The following CLEC4F variants were observed in gnomAD, a reference collection of about 807,000 sequenced individuals.
CLEC4F encodes C-type lectin domain family 4 member F.
CLEC4F carries 45 observed loss-of-function variants against 53.4 expected under a neutral mutation model. The ratio of observed to expected loss-of-function variants is 0.84; its 90% CI spans 0.66 to 1.08. The LOEUF is 1.08. CLEC4F is among the 50% of genes least tolerant of loss of function. The probability of loss-of-function intolerance (pLI) is 0.00; values close to 1 mark genes in which losing one functional copy is unlikely to be tolerated. For missense variants in CLEC4F, 753 were observed against 698.2 expected (o/e 1.08, Z -0.88); for synonymous variants, 245 against 257.5 (o/e 0.95, Z 0.46).
chr2:70,814,532 G>A (rs1160521178), intron 4 of CLEC4F, among the ~76,000 whole-genome samples: 1 of 152,178 alleles, frequency 6.6e-6, no homozygotes, highest in Non-Finnish European at 1.5e-5. Flanking sequence ...CCCTCTGGGG[G>A]TTCTGATGCC....
At chr2:70,810,934 T>C (rs768234282) in intron 5 of CLEC4F, 27 of 537,344 alleles carry the variant, frequency 5.0e-5, no homozygotes, top group Non-Finnish European at 9.1e-5. Flanking sequence ...TTCATTTTCA[T>C]ATTCATCAAA....
At chr2:70,815,955 CTG>C (rs1558614608) in intron 4 of CLEC4F, 37 bp downstream of exon 4, 1 of 1,580,700 alleles carries the variant, frequency 6.3e-7, no homozygotes, top group Admixed American at 1.8e-5. Context: ...TCTCAAGAGA[CTG>C]TGCCCTCCCC....
At chr2:70,820,887 C>T (rs1305170045), upstream of CLEC4F, among the ~76,000 whole-genome samples, 2 of 152,182 alleles carry the variant, frequency 1.3e-5, no homozygotes, top group Admixed American at 1.3e-4. Flanking sequence ...GCACAGAAAA[C>T]ATCCTTATGA....
At chr2:70,822,299 C>A (rs547392853), upstream of CLEC4F, among the ~76,000 whole-genome samples, 2 of 152,330 alleles carry the variant, frequency 1.3e-5, no homozygotes, top group Admixed American at 1.3e-4. Flanking sequence ...AAATACCAAG[C>A]AGGCCCCAAC....
intron 3 of CLEC4F, among the ~76,000 whole-genome samples, chr2:70,817,815 C>A (rs1454290517): frequency 6.6e-6 from 1 of 152,136 alleles, no homozygotes; most frequent in African/African-American, 2.4e-5. Context: ...AGAGCCAGCA[C>A]CCCCAGTGTT....
At position 70,815,990 on chromosome 2, in the gene CLEC4F, T is replaced by G; in HGVS notation, c.1387+4A>C. The G allele has an allele frequency of 6.2e-7, 1 of 1,610,138 alleles. No individual in the cohort carries two copies. The highest frequency in any genetic ancestry group is 8.5e-7 in the Non-Finnish European group (1 of 1,177,422). On this transcript the variant is annotated splice_donor_region_variant and intron_variant, in intron 4 of 6. Transcript: ENST00000272367. Reference sequence around the variant, plus strand: ...CCCAAACGCGACTCCCCTCTCCCACTTACTTTGGGTTCTTTGTAGCTGTTC... The same window carrying G: ...CCCAAACGCGACTCCCCTCTCCCACGTACTTTGGGTTCTTTGTAGCTGTTC...
At chr2:70,824,046 G>A (rs141553436), upstream of CLEC4F, among the ~76,000 whole-genome samples, 29,632 of 73,888 alleles carry the variant, frequency 0.4, 5,444 homozygotes, top group Non-Finnish European at 0.49. Flanking sequence ...AAGAAAGAAA[G>A]AAAGAAAGAA....
At position 70,812,701 on chromosome 2, in the gene CLEC4F, G is replaced by A. The variant is rs549026953; in HGVS notation, c.1388-103C>T. The A allele has an allele frequency of 7.8e-5, 95 of 1,214,016 alleles. No individual in the cohort carries two copies. In the East Asian group the frequency reaches 1.7e-3, roughly 22 times the overall value. The allele number at this position is 1,214,016 out of a possible 1,614,324, so 75.2% of individuals were successfully genotyped here. A position where few individuals can be genotyped will look rare whatever the true frequency, so the allele number is the denominator to read the frequency against. Reference sequence around the variant, plus strand: ...AGGGCCTGCCCACTGAGGTTCACAAGCCCATGAAATTCTTGATGTGCAGTG... The same window carrying A: ...AGGGCCTGCCCACTGAGGTTCACAAACCCATGAAATTCTTGATGTGCAGTG... On this transcript the variant is annotated intron_variant, in intron 4 of 6. Transcript: ENST00000272367.
In CLEC4F at chr2:70,820,511, C is replaced by T. The variant is rs1460350254; in HGVS notation, c.13G>A (p.Ala5Thr). 2 of 1,588,652 alleles carry T rather than the reference C, an allele frequency of 1.3e-6. No homozygotes were observed. Among genetic ancestry groups the T allele is most frequent in the Admixed American group, 1.7e-5 (1 of 57,448 alleles). MDGEAVRFCTDNQCV... is the reference protein window; with the variant it reads MDGETVRFCTDNQCV... ...TGGTTATCTGTGCAGAAGCGGACTG[C>T]CTCACCGTCCATCTCTGCTTCCTTG... Residue 5 changes from alanine (A) to threonine (T), a missense_variant, in exon 1 of 7, where the codon GCA (alanine) becomes ACA (threonine). Transcript: ENST00000272367.
In CLEC4F at chr2:70,817,091, T is replaced by C; in HGVS notation, c.290A>G (p.Glu97Gly). ...CTGGATAAGCTCTCGCATTTCTGCC[T>C]CCCTGCCAAAGTGGTGATGATCTGG... ...EPNNHHHFGREAEMRELIQTF... is the reference protein window; with the variant it reads ...EPNNHHHFGRGAEMRELIQTF... The change falls in exon 4 of 7, where the codon GAG becomes GGG. Residue 97 changes from glutamate to glycine, a missense_variant. Coordinates refer to ENST00000272367, the MANE Select transcript of CLEC4F (RefSeq NM_173535.3). The C allele has an allele frequency of 6.2e-7, 1 of 1,609,314 alleles. No individual in the cohort carries two copies. The highest frequency in any genetic ancestry group is 2.2e-5 in the East Asian group (1 of 44,878).
chr2:70,821,074 A>C (rs1677201432), upstream of CLEC4F, among the ~76,000 whole-genome samples: 1 of 152,108 alleles, frequency 6.6e-6, no homozygotes, highest in Non-Finnish European at 1.5e-5. Context: ...AGGTTATATA[A>C]AAATACTACA....
rs1676400429 is a variant in CLEC4F, at chr2:70,809,209, C to T, written c.*62G>A. ...GATGGGTCCTTCATCCCCTAGTGGC[C>T]CTAGGATGAGGACAGGGCTGGGAGA... On this transcript the variant is annotated 3_prime_UTR_variant, in exon 7 of 7. Transcript: ENST00000272367. The T allele has an allele frequency of 6.3e-7, 1 of 1,587,658 alleles. No individual in the cohort carries two copies. Among genetic ancestry groups the T allele is most frequent in the Non-Finnish European group, 8.6e-7 (1 of 1,166,850 alleles).
intron 4 of CLEC4F, among the ~76,000 whole-genome samples, chr2:70,813,611 C>CTTTCTTTCTT (rs782719258): frequency 1.8e-5 from 2 of 110,344 alleles, no homozygotes; most frequent in East Asian, 4.7e-4. Context: ...TTCTTTCTTT[C>CTTTCTTTCTT]TTTCTTTCTT....
intron 3 of CLEC4F, among the ~76,000 whole-genome samples, chr2:70,817,876 G>A (rs1677007375): frequency 6.6e-6 from 1 of 152,194 alleles, no homozygotes; most frequent in Non-Finnish European, 1.5e-5. Flanking sequence ...GGAAACCTGA[G>A]TAAAAGGCCT....
Position 70,812,463 on chromosome 2 carries a change from G to A in CLEC4F, c.1523C>T (p.Ala508Val). 6.2e-7 allele frequency: 1 copy of A among 1,614,096 alleles called. No individual in the cohort carries two copies. Among genetic ancestry groups the A allele is most frequent in the South Asian group, 1.1e-5 (1 of 91,058 alleles). The change falls in exon 5 of 7, where the codon GCC (alanine) becomes GTC (valine). Residue 508 changes from alanine (A) to valine (V), a missense_variant. Ala to Val is a moderately conservative substitution (Grantham distance 64). Coordinates refer to ENST00000272367, the MANE Select transcript of CLEC4F (RefSeq NM_173535.3). ...AGCTCTGACCTGCTCCTCCTTGGAG[G>A]CCACAGATGCCAGATGGGCTCCCTG... Reference protein sequence around the residue: ...VSQGAHLASVASKEEQAFLVE... With the variant: ...VSQGAHLASVVSKEEQAFLVE...
chr2:70,824,358 C>G (rs573053160), upstream of CLEC4F, among the ~76,000 whole-genome samples: 1 of 152,070 alleles, frequency 6.6e-6, no homozygotes, highest in Admixed American at 6.5e-5. Flanking sequence ...CAAGTCCTGT[C>G]ACCATGGTGC....
intron 5 of CLEC4F, chr2:70,811,125 T>C: frequency 1.5e-6 from 1 of 687,702 alleles, no homozygotes; most frequent in Non-Finnish European, 2.7e-6. Context: ...CACGACACTC[T>C]TTTGGAGTTT....
intron 3 of CLEC4F, among the ~76,000 whole-genome samples, chr2:70,818,504 G>A (rs572754425): frequency 1.3e-5 from 2 of 152,152 alleles, no homozygotes; most frequent in African/African-American, 4.8e-5. Flanking sequence ...GAGGTCAGGG[G>A]ATCGAGACCA....
chr2:70,819,389 G>T lies in CLEC4F; in HGVS notation c.234C>A (p.Asp78Glu). 1 of 1,614,080 alleles carries T rather than the reference G, an allele frequency of 6.2e-7. No individual in the cohort carries two copies. Among genetic ancestry groups the T allele is most frequent in the East Asian group, 2.2e-5 (1 of 44,884 alleles). ...CAAAAGGTAAATGCCCAGTAATGTT[G>T]TCTCCCAGAATTACGGCTTGCACAG... ...PKPVQAVILG[D>E]NITGHLPFEP... is the part of the protein sequence containing the mutation. The change falls in exon 3 of 7, where the codon GAC becomes GAA. Residue 78 changes from aspartate (D) to glutamate (E), a missense_variant. Transcript: ENST00000272367.
Sources: allele counts gnomAD v4.1 joint callset (sites outside exome capture counted in the v4.1 genomes callset), GRCh38; gene constraint gnomAD v4.1.1; transcripts MANE v1.5; gene names NCBI Gene and HGNC (gene_info 2026-07-23, HGNC 2026-07-21).